The following CPNE8 variants were observed in gnomAD, a reference collection of about 807,000 sequenced individuals.
CPNE8 encodes the protein copine 8, also known as copine-8.
In CPNE8, 45 loss-of-function variants were observed where a neutral mutation model predicts 81.5. The ratio of observed to expected loss-of-function variants is 0.55; its 90% CI spans 0.44 to 0.71. CPNE8 has a LOEUF of 0.71. Among genes scored for constraint, CPNE8 ranks in the 30% least tolerant of loss-of-function variants. The pLI, the probability that CPNE8 is intolerant of heterozygous loss-of-function variation, is 0.00. For missense variants in CPNE8, 594 were observed against 672.1 expected, an observed-to-expected ratio of 0.88 and a Z score of 1.28; for synonymous variants, 252 against 226.3, an observed-to-expected ratio of 1.11 and a Z score of -1.02.
chr12:38,682,901 A>T (rs1939442997), intron 16 of CPNE8, among the ~76,000 whole-genome samples: 1 of 152,204 alleles, frequency 6.6e-6, no homozygotes, highest in South Asian at 2.1e-4. Context: ...TCTGCACTTA[A>T]ATTTATGACA....
At chr12:38,681,404 C>A (rs931258760) in intron 16 of CPNE8, among the ~76,000 whole-genome samples, 1 of 152,062 alleles carries the variant, frequency 6.6e-6, no homozygotes, top group Non-Finnish European at 1.5e-5. Context: ...AGACATTCAA[C>A]ATAGTATTAA....
At chr12:38,662,077 T>A (rs1298163374) in intron 19 of CPNE8, among the ~76,000 whole-genome samples, 3 of 152,138 alleles carry the variant, frequency 2.0e-5, no homozygotes, top group African/African-American at 7.2e-5. Flanking sequence ...TTGAAAACTT[T>A]TCCTCAAAGA....
At chr12:38,767,262 A>G (rs1430715396) in intron 8 of CPNE8, among the ~76,000 whole-genome samples, 1 of 152,102 alleles carries the variant, frequency 6.6e-6, no homozygotes, top group East Asian at 1.9e-4. Flanking sequence ...ATTGGCAAAA[A>G]AAACCCACAA....
chr12:38,667,827 C>T (rs899631546), intron 19 of CPNE8, among the ~76,000 whole-genome samples: 2 of 151,542 alleles, frequency 1.3e-5, no homozygotes, highest in South Asian at 2.1e-4. Context: ...GACGGAGTTT[C>T]GCTCTTGTTG....
rs993421978 is a variant in CPNE8 at position 38,852,680 on chromosome 12, A to C, written c.187-4018T>G. Reference sequence around the variant, plus strand: ...CTTCGTGAAGGAACAGGACACAGACATGTGTTTGATTTACACCTGAATAAA... The same window carrying C: ...CTTCGTGAAGGAACAGGACACAGACCTGTGTTTGATTTACACCTGAATAAA... On this transcript the variant is annotated intron_variant, in intron 3 of 19. Transcript: ENST00000331366. Among the ~76,000 whole-genome samples the C allele has an allele frequency of 1.6e-4, 24 of 152,120 alleles. No homozygotes were observed. In the South Asian group the frequency reaches 5.0e-3, roughly 31 times the overall value.
intron 1 of CPNE8, among the ~76,000 whole-genome samples, chr12:38,880,091 A>T (rs1157991416): frequency 6.6e-6 from 1 of 152,238 alleles, no homozygotes; most frequent in Admixed American, 6.5e-5. Flanking sequence ...AGAGCCAAAC[A>T]ATGCTTTATC....
intron 6 of CPNE8, among the ~76,000 whole-genome samples, chr12:38,778,865 GC>G (rs1179642393): frequency 6.6e-6 from 1 of 152,088 alleles, no homozygotes; most frequent in African/African-American, 2.4e-5. Flanking sequence ...GTCATGCATT[GC>G]TTAATTCTTG....
intron 15 of CPNE8, among the ~76,000 whole-genome samples, chr12:38,692,040 C>G (rs1939687350): frequency 6.6e-6 from 1 of 152,080 alleles, no homozygotes; most frequent in East Asian, 1.9e-4. Flanking sequence ...ACCTGCAGTC[C>G]CAGCACTTTG....
intron 3 of CPNE8, among the ~76,000 whole-genome samples, chr12:38,850,796 T>C (rs976668172): frequency 1.3e-5 from 2 of 152,224 alleles, no homozygotes; most frequent in Non-Finnish European, 2.9e-5. Flanking sequence ...AACATCTCAT[T>C]GGCAGAGCTC....
intron 19 of CPNE8, among the ~76,000 whole-genome samples, chr12:38,666,688 T>A (rs1165552921): frequency 6.6e-6 from 1 of 152,210 alleles, no homozygotes; most frequent in Non-Finnish European, 1.5e-5. Flanking sequence ...TGTCTGTTTC[T>A]GTGTGTATTT....
At chr12:38,747,009 A>G (rs1028502722) in intron 10 of CPNE8, among the ~76,000 whole-genome samples, 1 of 152,212 alleles carries the variant, frequency 6.6e-6, no homozygotes, top group African/African-American at 2.4e-5. Context: ...GCCACCTCAG[A>G]TCAGGCACAC....
At chr12:38,664,958 A>T (rs1261957876) in intron 19 of CPNE8, among the ~76,000 whole-genome samples, 2 of 151,988 alleles carry the variant, frequency 1.3e-5, no homozygotes. Context: ...GAGTAGGATT[A>T]AAAAAAAGTC....
At chr12:38,722,251 T>C (rs779361193) in intron 13 of CPNE8, among the ~76,000 whole-genome samples, 2 of 152,192 alleles carry the variant, frequency 1.3e-5, no homozygotes, top group Non-Finnish European at 2.9e-5. Context: ...GGCAAAGACA[T>C]TGGAATACTA....
intron 6 of CPNE8, among the ~76,000 whole-genome samples, chr12:38,815,591 C>T (rs879566343): frequency 1.4e-4 from 21 of 152,088 alleles, no homozygotes; most frequent in Non-Finnish European, 2.1e-4. Context: ...TTAATAAATT[C>T]GCTGTCACAC....
intron 6 of CPNE8, among the ~76,000 whole-genome samples, chr12:38,807,518 AT>A (rs1233434412): frequency 6.6e-6 from 1 of 150,692 alleles, no homozygotes; most frequent in Non-Finnish European, 1.5e-5. Flanking sequence ...TCCCTATTTA[AT>A]AAATTGTGCT....
chr12:38,888,061 G>A lies in CPNE8; in HGVS notation c.99-13550C>T, dbSNP rs565654460. On this transcript the variant is annotated intron_variant, in intron 1 of 19. Coordinates refer to ENST00000331366, the MANE Select transcript of CPNE8 (RefSeq NM_153634.3). ...GTCCAAGAAGCAAGAGCTGATGACT[G>A]TGATGTGCCTACAGATCTCCACTAA... Among the ~76,000 whole-genome samples the A allele has an allele frequency of 3.3e-5, 5 of 152,236 alleles. No homozygotes were observed. The East Asian group carries it at 7.7e-4, about 24-fold the overall frequency.
intron 10 of CPNE8, among the ~76,000 whole-genome samples, chr12:38,741,221 C>A (rs1425059110): frequency 6.6e-6 from 1 of 152,140 alleles, no homozygotes; most frequent in African/African-American, 2.4e-5. Flanking sequence ...CCCGCATTCC[C>A]AAGTCAATCC....
chr12:38,783,882 T>A (rs1480687674), intron 6 of CPNE8, among the ~76,000 whole-genome samples: 1 of 152,248 alleles, frequency 6.6e-6, no homozygotes, highest in South Asian at 2.1e-4. Context: ...CTGGAAAGTC[T>A]TGCCAAGAAG....
chr12:38,787,131 T>A (rs1226921817), intron 6 of CPNE8, among the ~76,000 whole-genome samples: 1 of 152,150 alleles, frequency 6.6e-6, no homozygotes, highest in Non-Finnish European at 1.5e-5. Context: ...GAGAACCTTT[T>A]CATCCAACAG....
Sources: allele counts gnomAD v4.1 joint callset (sites outside exome capture counted in the v4.1 genomes callset), GRCh38; gene constraint gnomAD v4.1.1; transcripts MANE v1.5; gene names NCBI Gene and HGNC (gene_info 2026-07-23, HGNC 2026-07-21).